The following PHLPP1 variants were observed in gnomAD, a reference collection of about 807,000 sequenced individuals.
PHLPP1 encodes the protein PH domain and leucine rich repeat protein phosphatase 1, also known as PH domain leucine-rich repeat-containing protein phosphatase 1.
In PHLPP1, 42 loss-of-function variants were observed where a neutral mutation model predicts 117.2. That is an observed-to-expected ratio of 0.36 (90% CI 0.28 to 0.46). The LOEUF is 0.46. Ranked by LOEUF, PHLPP1 falls within the 20% of genes least tolerant of loss-of-function variation. The pLI is 1.00. For missense variants in PHLPP1, 2,084 were observed against 2,241.9 expected (o/e 0.93, Z 1.42); for synonymous variants, 1,042 against 970.7 (o/e 1.07, Z -1.37).
intron 10 of PHLPP1, among the ~76,000 whole-genome samples, chr18:62,924,277 C>A (rs1909559933): frequency 1.3e-5 from 2 of 151,980 alleles, no homozygotes; most frequent in South Asian, 4.1e-4. Context: ...ATGGAAATTC[C>A]TTTTTTATAT....
intron 6 of PHLPP1, 118 bp from the exon 7 acceptor site, chr18:62,902,846 A>C: frequency 1.6e-6 from 1 of 641,944 alleles, no homozygotes; most frequent in Non-Finnish European, 2.7e-6. Context: ...TCCAAAAATC[A>C]TGGAGAACTA....
intron 8 of PHLPP1, among the ~76,000 whole-genome samples, chr18:62,906,011 G>GT (rs1423127574): frequency 6.6e-6 from 1 of 151,890 alleles, no homozygotes; most frequent in African/African-American, 2.4e-5. Flanking sequence ...CATTTGGAAG[G>GT]TAACTCCAAA....
At chr18:62,726,132 A>G (rs1911063084) in intron 1 of PHLPP1, among the ~76,000 whole-genome samples, 1 of 152,042 alleles carries the variant, frequency 6.6e-6, no homozygotes, top group African/African-American at 2.4e-5. Context: ...ACACACACAC[A>G]CACACGCATG....
chr18:62,761,541 G>A lies in PHLPP1; in HGVS notation c.1576+44282G>A, dbSNP rs547013205. 8.1e-4 allele frequency among the ~76,000 whole-genome samples: 123 copies of A among 152,224 alleles called. 1 individual carries two copies. Among genetic ancestry groups the A allele is most frequent in the African/African-American group, 2.9e-3 (120 of 41,544 alleles). On this transcript the variant is annotated intron_variant, in intron 1 of 16. Coordinates refer to ENST00000262719, the MANE Select transcript of PHLPP1 (RefSeq NM_194449.4). ...CCAGCTACTTGGGAGGCTGAGGCAT[G>A]AGAATGGCGTGAACCCAGGAGGCGG... is the stretch of plus-strand genomic sequence containing the variant.
intron 16 of PHLPP1, 81 bp downstream of exon 16, chr18:62,975,706 C>G: frequency 1.1e-6 from 1 of 876,840 alleles, no homozygotes; most frequent in Non-Finnish European, 1.9e-6. Context: ...AGCTAGGGAG[C>G]ATTTGCCTTC....
chr18:62,899,652 T>A (rs1237683749), intron 6 of PHLPP1, among the ~76,000 whole-genome samples: 1 of 152,196 alleles, frequency 6.6e-6, no homozygotes, highest in Non-Finnish European at 1.5e-5. Context: ...GTTTTATTCA[T>A]CTCTTACTGC....
chr18:62,881,671 A>G (rs1460668796), intron 4 of PHLPP1, among the ~76,000 whole-genome samples: 1 of 152,182 alleles, frequency 6.6e-6, no homozygotes, highest in Non-Finnish European at 1.5e-5. Context: ...GTGCACTGCT[A>G]AGCCTCCCAG....
intron 1 of PHLPP1, among the ~76,000 whole-genome samples, chr18:62,776,010 A>G (rs1290408360): frequency 6.6e-6 from 1 of 152,116 alleles, no homozygotes; most frequent in Non-Finnish European, 1.5e-5. Flanking sequence ...GAGAACCAAT[A>G]AGATAGCCTA....
intron 4 of PHLPP1, among the ~76,000 whole-genome samples, chr18:62,864,691 G>GA (rs1338310377): frequency 1.3e-5 from 2 of 152,238 alleles, no homozygotes; most frequent in Admixed American, 1.3e-4. Context: ...TAACTAGGCA[G>GA]TTGTTGTGGA....
intron 1 of PHLPP1, among the ~76,000 whole-genome samples, chr18:62,791,950 CTT>C (rs375117878): frequency 1.4e-5 from 2 of 146,038 alleles, no homozygotes; most frequent in African/African-American, 2.5e-5. Flanking sequence ...AATGAGTACA[CTT>C]TTTTTTTTTT....
At chr18:62,920,865 T>A (rs562766149) in intron 10 of PHLPP1, among the ~76,000 whole-genome samples, 1 of 152,188 alleles carries the variant, frequency 6.6e-6, no homozygotes, top group South Asian at 2.1e-4. Context: ...CTAGGACTTA[T>A]TGTTTTTTAA....
chr18:62,830,275 C>G (rs1293458538), intron 2 of PHLPP1, 44 bp downstream of exon 2: 4 of 1,492,126 alleles, frequency 2.7e-6, no homozygotes, highest in African/African-American at 1.4e-5. Context: ...GAGTCTCACT[C>G]TGTCACCCAG....
At position 62,917,291 on chromosome 18, in the gene PHLPP1, CTTTAA is replaced by C. The variant is rs1171054615; in HGVS notation, c.2804+2287_2804+2291del. Among the ~76,000 whole-genome samples the C allele has an allele frequency of 2.9e-4, 44 of 151,090 alleles. No individual in the cohort carries two copies. In the South Asian group the frequency reaches 9.0e-3, roughly 31 times the overall value. On this transcript the variant is annotated intron_variant, in intron 9 of 16. Coordinates refer to ENST00000262719, the MANE Select transcript of PHLPP1 (RefSeq NM_194449.4). ...CAATTTTCCTCCCAAATTTGTTGAT[CTTTAA>C]TTTGTTCTGTATCAGAACAGGCTTT...
intron 1 of PHLPP1, among the ~76,000 whole-genome samples, chr18:62,776,166 C>T (rs1465626278): frequency 6.6e-6 from 1 of 152,132 alleles, no homozygotes; most frequent in Admixed American, 6.5e-5. Context: ...GCTGGAAACT[C>T]ATGTTAAGAT....
chr18:62,865,082 G>A (rs1915736855), intron 4 of PHLPP1, among the ~76,000 whole-genome samples: 1 of 152,146 alleles, frequency 6.6e-6, no homozygotes, highest in Non-Finnish European at 1.5e-5. Flanking sequence ...CCAACACTTT[G>A]GGAAACTGAG....
intron 14 of PHLPP1, among the ~76,000 whole-genome samples, chr18:62,969,540 C>T (rs938012288): frequency 2.0e-5 from 3 of 152,052 alleles, no homozygotes; most frequent in Non-Finnish European, 4.4e-5. Flanking sequence ...GTTGCTCAAG[C>T]CTCCTACCAG....
At chr18:62,818,769 T>C (rs530278546) in intron 1 of PHLPP1, among the ~76,000 whole-genome samples, 1 of 152,296 alleles carries the variant, frequency 6.6e-6, no homozygotes, top group South Asian at 2.1e-4. Context: ...TTAGTAAAGA[T>C]AACAATAGTA....
chr18:62,753,664 A>G (rs781069103), intron 1 of PHLPP1, among the ~76,000 whole-genome samples: 1 of 152,228 alleles, frequency 6.6e-6, no homozygotes, highest in African/African-American at 2.4e-5. Context: ...TGCCCTGTCC[A>G]TGCTGCCCAC....
chr18:62,766,076 A>AAAAAAATAAATATATATATATAT, intron 1 of PHLPP1, among the ~76,000 whole-genome samples: 1 of 21,648 alleles, frequency 4.6e-5, no homozygotes, highest in Non-Finnish European at 8.5e-5. Context: ...AAAAAAAAAA[A>AAAAAAATAAATATATATATATAT]ATATATATAT....
Sources: gnomAD v4.1 joint callset for allele counts (sites outside exome capture counted in the v4.1 genomes callset) on GRCh38, gnomAD v4.1.1 for gene constraint, MANE v1.5 for transcripts, NCBI Gene and HGNC (gene_info 2026-07-23, HGNC 2026-07-21) for gene names.